The following TMEM106B variants were observed in gnomAD, a reference collection of about 807,000 sequenced individuals.
TMEM106B encodes the protein transmembrane protein 106B.
A neutral mutation model predicts 31.1 loss-of-function variants in TMEM106B; 15 were observed. That is an observed-to-expected ratio of 0.48 (90% CI 0.32 to 0.74). TMEM106B has a LOEUF of 0.74. Among genes scored for constraint, TMEM106B ranks in the 30% least tolerant of loss-of-function variants. TMEM106B has a pLI of 0.03. For synonymous variants in TMEM106B, 126 were observed against 112.5 expected (o/e 1.12, Z -0.76); for missense variants, 283 against 327.3 (o/e 0.86, Z 1.04).
At chr7:12,228,645 A>C (rs1289687327) in intron 4 of TMEM106B, among the ~76,000 whole-genome samples, 2 of 151,996 alleles carry the variant, frequency 1.3e-5, no homozygotes, top group African/African-American at 4.8e-5. Context: ...TTGCCCGATC[A>C]AAGTCTATAC....
In TMEM106B at chr7:12,232,154, A is replaced by G; in HGVS notation, c.*179A>G. The G allele has an allele frequency of 2.1e-6, 1 of 471,130 alleles. No individual in the cohort carries two copies. The highest frequency in any genetic ancestry group is 3.7e-6 in the Non-Finnish European group (1 of 270,652). 29.2% of individuals were successfully genotyped at this position (471,130 alleles called of 1,614,324 possible). On this transcript the variant is annotated 3_prime_UTR_variant, in exon 8 of 8. Transcript: ENST00000396668. Reference sequence around the variant, plus strand: ...TGTAACTCTCCACTCTGTGTTAATGATATATTTGTACTAGGATCTTTTACT... The same window carrying G: ...TGTAACTCTCCACTCTGTGTTAATGGTATATTTGTACTAGGATCTTTTACT...
chr7:12,213,174 G>C (rs1781614474), intron 1 of TMEM106B, among the ~76,000 whole-genome samples: 1 of 151,912 alleles, frequency 6.6e-6, no homozygotes, highest in Non-Finnish European at 1.5e-5. Flanking sequence ...TTGTTATTTT[G>C]ATACTCTTAT....
rs1341866850 is a variant in TMEM106B at position 12,235,168 on chromosome 7, A to C, written c.*3193A>C. 6.6e-6 allele frequency: 1 copy of C among 152,304 alleles called. No homozygotes were observed. The highest frequency in any genetic ancestry group is 2.4e-5 in the African/African-American group (1 of 41,424). The allele number at this position is 152,304 out of a possible 1,614,324, so 9.4% of individuals were successfully genotyped here. Reference sequence around the variant, plus strand: ...ACACTTATAAAATGCTTTGGAACATAATCTTTAGCTTAATTTTCTGTTAAA... The same window carrying C: ...ACACTTATAAAATGCTTTGGAACATCATCTTTAGCTTAATTTTCTGTTAAA... On this transcript the variant is annotated 3_prime_UTR_variant, in exon 8 of 8. Transcript: ENST00000396668.
rs1288485425 is a variant in TMEM106B, at chr7:12,237,982, C to G, written c.*6007C>G. On this transcript the variant is annotated 3_prime_UTR_variant, in exon 8 of 8. Coordinates refer to ENST00000396668, the MANE Select transcript of TMEM106B (RefSeq NM_001134232.2). ...GTAGTGGTTACTAAAGTTGGGGTGGCTATGGCAATTTCTTAAGACAACAAT... is the reference window on the plus strand; with the variant it reads ...GTAGTGGTTACTAAAGTTGGGGTGGGTATGGCAATTTCTTAAGACAACAAT... 1 of 152,118 alleles carries G rather than the reference C, an allele frequency of 6.6e-6. No individual in the cohort carries two copies. Among genetic ancestry groups the G allele is most frequent in the Non-Finnish European group, 1.5e-5 (1 of 68,076 alleles). 9.4% of individuals were successfully genotyped at this position (152,118 alleles called of 1,614,324 possible).
intron 1 of TMEM106B, among the ~76,000 whole-genome samples, chr7:12,211,917 T>C (rs1006618154): frequency 6.6e-6 from 1 of 152,226 alleles, no homozygotes; most frequent in Non-Finnish European, 1.5e-5. Flanking sequence ...CTGATATCCA[T>C]GTTGACTTTC....
chr7:12,239,766 T>TA lies in TMEM106B; in HGVS notation c.*7792dup, dbSNP rs1387781482. On this transcript the variant is annotated 3_prime_UTR_variant, in exon 8 of 8. Coordinates refer to ENST00000396668, the MANE Select transcript of TMEM106B (RefSeq NM_001134232.2). ...CTTTTTTTTATTACTTTCACTGCCT[T>TA]ACATGGGTATGGTTCATGCTGCCTC... The TA allele has an allele frequency of 2.6e-5, 4 of 152,130 alleles. No individual in the cohort carries two copies. Among genetic ancestry groups the TA allele is most frequent in the African/African-American group, 9.7e-5 (4 of 41,426 alleles). 9.4% of individuals were successfully genotyped at this position (152,130 alleles called of 1,614,324 possible). A position where few individuals can be genotyped will look rare whatever the true frequency, so the allele number is the denominator to read the frequency against.
rs1782094388 is a variant in TMEM106B at position 12,234,665 on chromosome 7, A to G, written c.*2690A>G. 6.6e-6 allele frequency: 1 copy of G among 151,876 alleles called. No homozygotes were observed. Among genetic ancestry groups the G allele is most frequent in the Non-Finnish European group, 1.5e-5 (1 of 67,826 alleles). The allele number at this position is 151,876 out of a possible 1,614,324, so 9.4% of individuals were successfully genotyped here. On this transcript the variant is annotated 3_prime_UTR_variant, in exon 8 of 8. Transcript: ENST00000396668. The stretch of plus-strand genomic sequence containing the variant: ...ACCTTATCCAGAGGACATGGTAAAG[A>G]TATGTTACAGAAATTTTTCTGATAC...
chr7:12,223,560 C>A (rs573440793), intron 3 of TMEM106B, among the ~76,000 whole-genome samples: 3 of 150,910 alleles, frequency 2.0e-5, no homozygotes, highest in African/African-American at 7.3e-5. Context: ...CAAAACTTAA[C>A]ATGTGAAAAT....
At position 12,230,259 on chromosome 7, in the gene TMEM106B, A is replaced by C. The variant is rs183502978; in HGVS notation, c.583-130A>C. On this transcript the variant is annotated intron_variant, in intron 5 of 7. Transcript: ENST00000396668. Reference sequence around the variant, plus strand: ...AAAGAAATGTGTCTTATACACATACAAGATGAAATCTTTGAGAATCAAGCT... The same window carrying C: ...AAAGAAATGTGTCTTATACACATACCAGATGAAATCTTTGAGAATCAAGCT... The C allele has an allele frequency of 1.5e-3, 1,110 of 750,442 alleles. 2 individuals are homozygous for C. The highest frequency in any genetic ancestry group is 2.3e-3 in the Non-Finnish European group (986 of 426,320). The allele number at this position is 750,442 out of a possible 1,614,324, so 46.5% of individuals were successfully genotyped here.
At position 12,239,316 on chromosome 7, in the gene TMEM106B, C is replaced by T. The variant is rs528988122; in HGVS notation, c.*7341C>T. ...AGGGCTTTGTTCAGGATTAGGCTTT[C>T]ACTTAAGGCAATGTTGTGGCTGGTT... On this transcript the variant is annotated 3_prime_UTR_variant, in exon 8 of 8. Coordinates refer to ENST00000396668, the MANE Select transcript of TMEM106B (RefSeq NM_001134232.2). 3 of 152,250 alleles carry T rather than the reference C, an allele frequency of 2.0e-5. No individual in the cohort carries two copies. In the East Asian group the frequency reaches 5.8e-4, roughly 29 times the overall value. The allele number at this position is 152,250 out of a possible 1,614,324, so 9.4% of individuals were successfully genotyped here.
At position 12,232,106 on chromosome 7, in the gene TMEM106B, A is replaced by T. The variant is rs1471304204; in HGVS notation, c.*131A>T. 2.4e-5 allele frequency: 19 copies of T among 779,414 alleles called. No homozygotes were observed. The East Asian group carries it at 5.2e-4, about 21-fold the overall frequency. The allele number at this position is 779,414 out of a possible 1,614,324, so 48.3% of individuals were successfully genotyped here. A position where few individuals can be genotyped will look rare whatever the true frequency, so the allele number is the denominator to read the frequency against. On this transcript the variant is annotated 3_prime_UTR_variant, in exon 8 of 8. Coordinates refer to ENST00000396668, the MANE Select transcript of TMEM106B (RefSeq NM_001134232.2). ...GTTTACACTTCTAAGAGTACAGTTA[A>T]AAGTATGTGGACCTGCAGTTCTTGT...
chr7:12,231,177 GC>G, intron 7 of TMEM106B, 62 bp downstream of exon 7: 1 of 1,284,128 alleles, frequency 7.8e-7, no homozygotes, highest in Non-Finnish European at 1.1e-6. Flanking sequence ...TATAACATTG[GC>G]TTATAATATA....
rs1029221954 is a variant in TMEM106B, at chr7:12,243,310, C to G, written c.*11335C>G. On this transcript the variant is annotated 3_prime_UTR_variant, in exon 8 of 8. Coordinates refer to ENST00000396668, the MANE Select transcript of TMEM106B (RefSeq NM_001134232.2). The stretch of plus-strand genomic sequence containing the variant: ...CATTTAAATAGTATGTATTTTGATA[C>G]TAATTTTTAAGAAGAAATGTATCAT... 2 of 151,840 alleles carry G rather than the reference C, an allele frequency of 1.3e-5. No individual in the cohort carries two copies. Among genetic ancestry groups the G allele is most frequent in the African/African-American group, 4.8e-5 (2 of 41,354 alleles). 9.4% of individuals were successfully genotyped at this position (151,840 alleles called of 1,614,324 possible).
intron 2 of TMEM106B, among the ~76,000 whole-genome samples, chr7:12,215,443 G>A (rs1781667877): frequency 6.7e-6 from 1 of 150,302 alleles, no homozygotes; most frequent in African/African-American, 2.5e-5. Context: ...GCAATTGTTG[G>A]CCAGGCTGGT....
intron 4 of TMEM106B, among the ~76,000 whole-genome samples, chr7:12,227,580 A>G (rs1781926203): frequency 6.6e-6 from 1 of 151,986 alleles, no homozygotes; most frequent in African/African-American, 2.4e-5. Context: ...AATTAATTCA[A>G]CCATTTTCTT....
At chr7:12,221,442 A>C (rs1781786058) in intron 3 of TMEM106B, among the ~76,000 whole-genome samples, 1 of 152,166 alleles carries the variant, frequency 6.6e-6, no homozygotes, top group South Asian at 2.1e-4. Context: ...TAGCAATAAG[A>C]CCAAAGAGAT....
intron 2 of TMEM106B, among the ~76,000 whole-genome samples, chr7:12,216,591 A>T (rs1473799684): frequency 6.6e-6 from 1 of 152,176 alleles, no homozygotes; most frequent in Non-Finnish European, 1.5e-5. Context: ...TGACAGCAGC[A>T]AGCTAGTCAG....
intron 5 of TMEM106B, 135 bp downstream of exon 5, chr7:12,229,954 T>A (rs965980842): frequency 5.8e-5 from 57 of 979,758 alleles, no homozygotes; most frequent in Non-Finnish European, 7.9e-5. Context: ...CAGTGGCTCA[T>A]GCCTGTGATC....
intron 3 of TMEM106B, among the ~76,000 whole-genome samples, chr7:12,222,396 T>C (rs1781805365): frequency 6.6e-6 from 1 of 152,184 alleles, no homozygotes; most frequent in South Asian, 2.1e-4. Context: ...TTCAGTAATG[T>C]TCGTTATGGC....
Sources: gnomAD v4.1 joint callset for allele counts (sites outside exome capture counted in the v4.1 genomes callset) on GRCh38, gnomAD v4.1.1 for gene constraint, MANE v1.5 for transcripts, NCBI Gene and HGNC (gene_info 2026-07-23, HGNC 2026-07-21) for gene names.